Variants in USP10 observed in about 807,000 individuals in gnomAD.
USP10 encodes ubiquitin carboxyl-terminal hydrolase 10.
USP10 carries 22 observed loss-of-function variants against 84.5 expected under a neutral mutation model. The observed-to-expected ratio is 0.26, with a 90% CI of 0.19 to 0.37. USP10 has a LOEUF of 0.37. Ranked by LOEUF, USP10 falls within the 10% of genes least tolerant of loss-of-function variation. The probability of loss-of-function intolerance (pLI) is 1.00; values close to 1 mark genes in which losing one functional copy is unlikely to be tolerated. For missense variants in USP10, 1,019 were observed against 998.9 expected, an observed-to-expected ratio of 1.02 and a Z score of -0.27; for synonymous variants, 454 against 387.6, an observed-to-expected ratio of 1.17 and a Z score of -2.01.
At chr16:84,702,840 A>G (rs999754646) in intron 1 of USP10, among the ~76,000 whole-genome samples, 4 of 151,870 alleles carry the variant, frequency 2.6e-5, no homozygotes, top group African/African-American at 9.7e-5. Context: ...TAAAAATACA[A>G]AAATTAGCCG....
chr16:84,708,521 G>C (rs542011414), intron 1 of USP10, among the ~76,000 whole-genome samples: 1 of 152,336 alleles, frequency 6.6e-6, no homozygotes, highest in Non-Finnish European at 1.5e-5. Flanking sequence ...CTAGATTTAT[G>C]AGAGGACAAA....
chr16:84,758,079 G>T (rs920658219), intron 4 of USP10, among the ~76,000 whole-genome samples: 4 of 152,190 alleles, frequency 2.6e-5, no homozygotes, highest in African/African-American at 9.7e-5. Context: ...GTCCACTCAG[G>T]GTGAACCTGA....
chr16:84,704,382 C>A (rs1172938348), intron 1 of USP10, among the ~76,000 whole-genome samples: 1 of 152,228 alleles, frequency 6.6e-6, no homozygotes, highest in African/African-American at 2.4e-5. Flanking sequence ...ATCACCATCG[C>A]ACAAAACAGA....
At chr16:84,765,322 A>G (rs58480742) in intron 10 of USP10, among the ~76,000 whole-genome samples, 2,757 of 152,238 alleles carry the variant, frequency 0.018, 82 homozygotes, top group African/African-American at 0.063. Flanking sequence ...AGTCCCAAAT[A>G]CAGTGCACTA....
intron 4 of USP10, among the ~76,000 whole-genome samples, chr16:84,751,245 C>T (rs1395857468): frequency 6.6e-6 from 1 of 152,230 alleles, no homozygotes; most frequent in Non-Finnish European, 1.5e-5. Flanking sequence ...ACCATCTAGG[C>T]ATGTGATCCC....
intron 1 of USP10, among the ~76,000 whole-genome samples, chr16:84,701,025 C>A (rs112006743): frequency 1.1e-3 from 167 of 152,220 alleles, no homozygotes; most frequent in Middle Eastern, 3.4e-3. Context: ...TAAATTGTTG[C>A]ACACTTTTAA....
At chr16:84,762,930 C>A in intron 8 of USP10, 59 bp from the exon 9 acceptor site, 2 of 1,064,000 alleles carry the variant, frequency 1.9e-6, no homozygotes, top group Non-Finnish European at 2.8e-6. Context: ...TACTGCATGT[C>A]CTGCAGGCCT....
At chr16:84,724,454 A>G (rs74029980) in intron 1 of USP10, among the ~76,000 whole-genome samples, 291 of 152,308 alleles carry the variant, frequency 1.9e-3, no homozygotes, top group African/African-American at 6.9e-3. Context: ...ACAGGGAAGT[A>G]GACACTCAAT....
chr16:84,748,559 C>G (rs1463305173), intron 4 of USP10, among the ~76,000 whole-genome samples: 2 of 152,178 alleles, frequency 1.3e-5, no homozygotes, highest in African/African-American at 4.8e-5. Context: ...CTGCCTCAGC[C>G]TCTCAAAGTG....
rs1451667206 is a variant in USP10 at position 84,745,542 on chromosome 16, C to A, written c.1061C>A (p.Ser354Tyr). 3 of 1,612,730 alleles carry A rather than the reference C, an allele frequency of 1.9e-6. No homozygotes were observed. The highest frequency in any genetic ancestry group is 2.2e-5 in the East Asian group (1 of 44,864). The change falls in exon 4 of 14, where the codon TCC becomes TAC. Residue 354 changes from serine to tyrosine, a missense_variant. Ser to Tyr is a moderately radical substitution (Grantham distance 144). Transcript: ENST00000219473. Reference protein sequence around the residue: ...SLFHDSKPSSSSPVAYVETKY... With the variant: ...SLFHDSKPSSYSPVAYVETKY... ...TTTCATGATTCTAAGCCCTCTTCCTCCTCGCCGGTGGCCTATGTGGAAACT... is the reference window on the plus strand; with the variant it reads ...TTTCATGATTCTAAGCCCTCTTCCTACTCGCCGGTGGCCTATGTGGAAACT...
chr16:84,720,565 G>T (rs184255408), intron 1 of USP10, among the ~76,000 whole-genome samples: 1 of 128,616 alleles, frequency 7.8e-6, no homozygotes, highest in East Asian at 2.9e-4. Context: ...AGAATAAAAA[G>T]ATGATGCCCA....
intron 1 of USP10, chr16:84,733,183 A>T (rs775174729): frequency 1.8e-6 from 1 of 553,316 alleles, no homozygotes; most frequent in Non-Finnish European, 3.4e-6. Context: ...TGGCATACAA[A>T]ATTGATTTGT....
rs548308266 is a variant in USP10, at chr16:84,708,126, A to C, written c.21+8015A>C. 3.3e-5 allele frequency among the ~76,000 whole-genome samples: 5 copies of C among 152,046 alleles called. No homozygotes were observed. In the South Asian group the frequency reaches 1.0e-3, roughly 32 times the overall value. ...TTTTGAAGACTTCCACCCCCTTAGT[A>C]GTAGTCATGCTGTCCGGTGTTCATA... On this transcript the variant is annotated intron_variant, in intron 1 of 13. Coordinates refer to ENST00000219473, the MANE Select transcript of USP10 (RefSeq NM_005153.3).
chr16:84,744,505 A>G (rs1221361658), intron 3 of USP10, 128 bp from the exon 4 acceptor site: 1 of 803,056 alleles, frequency 1.2e-6, no homozygotes, highest in Non-Finnish European at 1.9e-6. Flanking sequence ...GCGTAAGTAA[A>G]GGACGTAATA....
At chr16:84,725,727 G>A (rs1202611646) in intron 1 of USP10, among the ~76,000 whole-genome samples, 8 of 152,208 alleles carry the variant, frequency 5.3e-5, no homozygotes, top group East Asian at 1.9e-4. Context: ...TTTCAAACCC[G>A]TGTTTCTTAA....
intron 12 of USP10, among the ~76,000 whole-genome samples, chr16:84,773,297 T>A (rs1914642805): frequency 6.6e-6 from 1 of 152,236 alleles, no homozygotes; most frequent in African/African-American, 2.4e-5. Flanking sequence ...TGATTGGGAC[T>A]GTGATTAGCT....
rs538373147 is a variant in USP10 at position 84,735,378 on chromosome 16, A to T, written c.90+1875A>T. ...TACCTGTTTGCAAGTGAGTAGACAAAAACTTGAGTTTTCATGTGATAGGAA... is the reference window on the plus strand; with the variant it reads ...TACCTGTTTGCAAGTGAGTAGACAATAACTTGAGTTTTCATGTGATAGGAA... On this transcript the variant is annotated intron_variant, in intron 2 of 13. Transcript: ENST00000219473. Among the ~76,000 whole-genome samples the T allele has an allele frequency of 5.3e-5, 8 of 152,232 alleles. No homozygotes were observed. The East Asian group carries it at 1.5e-3, about 29-fold the overall frequency.
chr16:84,752,824 A>C (rs1369519673), intron 4 of USP10, among the ~76,000 whole-genome samples: 1 of 152,222 alleles, frequency 6.6e-6, no homozygotes, highest in Non-Finnish European at 1.5e-5. Context: ...TGGAAGGCTT[A>C]GTGTACGTGT....
In USP10 at chr16:84,779,449, T is replaced by TATC. The variant is rs1199522108; in HGVS notation, c.*368_*370dup. The stretch of plus-strand genomic sequence containing the variant: ...CTTGTAAATTTGTGAAAATGAATTT[T>TATC]ATCTTTCCTTAAAAAAGAAATTTTT... On this transcript the variant is annotated 3_prime_UTR_variant, in exon 14 of 14. Transcript: ENST00000219473. 6.2e-6 allele frequency: 1 copy of TATC among 161,206 alleles called. No homozygotes were observed. The allele number at this position is 161,206 out of a possible 1,614,324, so 10.0% of individuals were successfully genotyped here.
Sources: gnomAD v4.1 joint callset for allele counts (sites outside exome capture counted in the v4.1 genomes callset) on GRCh38, gnomAD v4.1.1 for gene constraint, MANE v1.5 for transcripts, NCBI Gene and HGNC (gene_info 2026-07-23, HGNC 2026-07-21) for gene names.